GPC5: variants seen among roughly 807,000 people sequenced by gnomAD.
GPC5 encodes glypican-5.
Under a neutral mutation model 53.9 loss-of-function variants are expected in GPC5, and 47 were observed. The ratio of observed to expected loss-of-function variants is 0.87; its 90% CI spans 0.69 to 1.11. GPC5 has a LOEUF of 1.11. GPC5 is among the 50% of genes most tolerant of loss of function. GPC5 has a pLI of 0.00. For synonymous variants in GPC5, 286 were observed against 263.3 expected, an observed-to-expected ratio of 1.09 and a Z score of -0.84; for missense variants, 748 against 713.1, an observed-to-expected ratio of 1.05 and a Z score of -0.56.
At chr13:92,542,876 A>C (rs1019792836) in intron 7 of GPC5, among the ~76,000 whole-genome samples, 3 of 152,012 alleles carry the variant, frequency 2.0e-5, no homozygotes, top group African/African-American at 7.2e-5. Context: ...ATTCCCTTAT[A>C]TGTGACTTGA....
chr13:91,431,921 G>A (rs186821104), intron 1 of GPC5, among the ~76,000 whole-genome samples: 2 of 152,186 alleles, frequency 1.3e-5, no homozygotes, highest in African/African-American at 4.8e-5. Context: ...TAGATCAGTT[G>A]AAGCAAATCG....
chr13:92,384,126 G>GTTTT (rs60184723), intron 7 of GPC5, among the ~76,000 whole-genome samples: 2 of 149,052 alleles, frequency 1.3e-5, no homozygotes, highest in Non-Finnish European at 1.5e-5. Flanking sequence ...GTTTTTATAG[G>GTTTT]TTTTTTTTTT....
intron 2 of GPC5, among the ~76,000 whole-genome samples, chr13:91,602,489 G>T (rs1461780390): frequency 6.6e-6 from 1 of 152,130 alleles, no homozygotes; most frequent in African/African-American, 2.4e-5. Context: ...TATTTATATT[G>T]TAATAGCTTT....
intron 2 of GPC5, among the ~76,000 whole-genome samples, chr13:91,669,294 A>T (rs761679509): frequency 6.6e-6 from 1 of 152,246 alleles, no homozygotes; most frequent in Non-Finnish European, 1.5e-5. Context: ...TCAGAGAACA[A>T]TGGTACAATT....
rs1883246322 is a variant in GPC5 at position 91,480,579 on chromosome 13, A to G, written c.325+31657A>G. ...ACTACAGCCTCAGTAAATATTGCAC[A>G]TAGATTTCTATCAAGACATATTGCA... On this transcript the variant is annotated intron_variant, in intron 2 of 7. Transcript: ENST00000377067. Among the ~76,000 whole-genome samples the G allele has an allele frequency of 2.0e-5, 3 of 152,230 alleles. No homozygotes were observed. The South Asian group carries it at 6.2e-4, about 31-fold the overall frequency.
chr13:92,234,661 G>T (rs1445678137), intron 7 of GPC5, among the ~76,000 whole-genome samples: 1 of 151,998 alleles, frequency 6.6e-6, no homozygotes, highest in Admixed American at 6.6e-5. Context: ...GAAGATAAGG[G>T]TTACTTTATT....
intron 5 of GPC5, among the ~76,000 whole-genome samples, chr13:91,764,355 A>G (rs1398476850): frequency 6.6e-6 from 1 of 152,182 alleles, no homozygotes; most frequent in Non-Finnish European, 1.5e-5. Context: ...TTAATGACGT[A>G]TTGGCTTGGT....
chr13:91,979,635 A>C (rs919806313), intron 6 of GPC5, among the ~76,000 whole-genome samples: 1 of 152,216 alleles, frequency 6.6e-6, no homozygotes, highest in South Asian at 2.1e-4. Flanking sequence ...TATGCATATT[A>C]GCCATTGAGA....
At chr13:92,245,277 G>C (rs1466666385) in intron 7 of GPC5, among the ~76,000 whole-genome samples, 1 of 151,960 alleles carries the variant, frequency 6.6e-6, no homozygotes, top group African/African-American at 2.4e-5. Context: ...CCATTTCAAA[G>C]GGCTGTCCAT....
intron 7 of GPC5, among the ~76,000 whole-genome samples, chr13:92,181,172 G>C (rs930238360): frequency 2.0e-5 from 3 of 152,122 alleles, no homozygotes; most frequent in Non-Finnish European, 4.4e-5. Context: ...GTCCACAATA[G>C]CTAGTCTTTA....
intron 6 of GPC5, among the ~76,000 whole-genome samples, chr13:92,003,497 A>G (rs1005015564): frequency 6.6e-6 from 1 of 152,160 alleles, no homozygotes; most frequent in African/African-American, 2.4e-5. Flanking sequence ...AATTGAAAAT[A>G]TTAGAGTTAA....
In GPC5 at chr13:92,361,876, C is replaced by G. The variant is rs144640823; in HGVS notation, c.1561+216887C>G. Among the ~76,000 whole-genome samples the G allele has an allele frequency of 4.9e-3, 743 of 151,602 alleles. 3 individuals carry two copies. Among genetic ancestry groups the G allele is most frequent in the Middle Eastern group, 0.01 (3 of 294 alleles). On this transcript the variant is annotated intron_variant, in intron 7 of 7. Transcript: ENST00000377067. Reference sequence around the variant, plus strand: ...TTCTGCTTGGTGTTTCTTTACCTGACTGGATGATAGCATAAGAAGCTAATG... The same window carrying G: ...TTCTGCTTGGTGTTTCTTTACCTGAGTGGATGATAGCATAAGAAGCTAATG...
chr13:91,690,923 A>C (rs951123213), intron 2 of GPC5, among the ~76,000 whole-genome samples: 3 of 152,242 alleles, frequency 2.0e-5, no homozygotes, highest in African/African-American at 7.2e-5. Context: ...TATCTTTAAC[A>C]AATTAAGTAA....
intron 7 of GPC5, among the ~76,000 whole-genome samples, chr13:92,479,896 G>A (rs118081058): frequency 0.011 from 1,613 of 152,248 alleles, 6 homozygotes; most frequent in Non-Finnish European, 0.013. Context: ...TGTAAAATGC[G>A]TTTCTCAATA....
At chr13:91,801,946 GT>G (rs1456733069) in intron 5 of GPC5, among the ~76,000 whole-genome samples, 1 of 152,136 alleles carries the variant, frequency 6.6e-6, no homozygotes, top group Non-Finnish European at 1.5e-5. Flanking sequence ...TATCTTCTTT[GT>G]TGCGTTTTCT....
intron 5 of GPC5, among the ~76,000 whole-genome samples, chr13:91,905,885 A>T (rs375388577): frequency 4.6e-5 from 7 of 152,128 alleles, no homozygotes; most frequent in African/African-American, 1.7e-4. Flanking sequence ...TTTTCATTTT[A>T]AAATGTCTCT....
intron 6 of GPC5, among the ~76,000 whole-genome samples, chr13:92,139,257 T>TA (rs746867110): frequency 2.0e-4 from 30 of 152,242 alleles, no homozygotes; most frequent in Non-Finnish European, 3.2e-4. Context: ...GGTTATTTTT[T>TA]ATCCCAATTT....
chr13:92,425,115 G>A (rs980934180), intron 7 of GPC5, among the ~76,000 whole-genome samples: 7 of 151,660 alleles, frequency 4.6e-5, no homozygotes, highest in Non-Finnish European at 7.4e-5. Context: ...TGCCCTTCCC[G>A]TGATGCCCAT....
chr13:92,385,774 T>G (rs879544128), intron 7 of GPC5, among the ~76,000 whole-genome samples: 2 of 82,956 alleles, frequency 2.4e-5, no homozygotes, highest in Admixed American at 1.2e-4. Flanking sequence ...TACGTATATA[T>G]ACATATATGT....
Sources: gnomAD v4.1 joint callset for allele counts (sites outside exome capture counted in the v4.1 genomes callset) on GRCh38, gnomAD v4.1.1 for gene constraint, MANE v1.5 for transcripts, NCBI Gene and HGNC (gene_info 2026-07-23, HGNC 2026-07-21) for gene names.